Variants in TMEM108 observed in about 807,000 individuals in gnomAD.
TMEM108 encodes cancer/testis antigen 124.
TMEM108 carries 12 observed loss-of-function variants against 35.1 expected under a neutral mutation model. That is an observed-to-expected ratio of 0.34 (90% CI 0.22 to 0.55). The LOEUF (loss-of-function observed/expected upper bound fraction) is 0.55. Ranked by LOEUF, TMEM108 falls within the 20% of genes least tolerant of loss-of-function variation. The probability of loss-of-function intolerance (pLI) is 0.89; values close to 1 mark genes in which losing one functional copy is unlikely to be tolerated. For synonymous variants in TMEM108, 287 were observed against 308.6 expected (o/e 0.93, Z 0.73); for missense variants, 680 against 753.3 (o/e 0.90, Z 1.14).
chr3:133,167,071 A>G (rs1945050977), intron 2 of TMEM108, among the ~76,000 whole-genome samples: 2 of 152,224 alleles, frequency 1.3e-5, no homozygotes, highest in Non-Finnish European at 2.9e-5. Context: ...CTTGAGCTAG[A>G]CACAGAATGC....
At chr3:133,177,618 G>C (rs142745138) in intron 2 of TMEM108, among the ~76,000 whole-genome samples, 4,269 of 151,998 alleles carry the variant, frequency 0.028, 190 homozygotes, top group African/African-American at 0.093. Context: ...ATTCAACAAC[G>C]CTTCATGCTA....
At chr3:133,164,481 G>A (rs1945007478) in intron 2 of TMEM108, among the ~76,000 whole-genome samples, 2 of 152,190 alleles carry the variant, frequency 1.3e-5, no homozygotes, top group Admixed American at 1.3e-4. Flanking sequence ...TGGAATGGCA[G>A]GAGACAGTGC....
In TMEM108 at chr3:133,310,530, C is replaced by CTTT. The variant is rs59215786; in HGVS notation, c.41-69195_41-69193dup. 7.2e-3 allele frequency among the ~76,000 whole-genome samples: 161 copies of CTTT among 22,242 alleles called. 26 individuals are homozygous for CTTT. The highest frequency in any genetic ancestry group is 0.011 in the Non-Finnish European group (130 of 12,232). The allele number at this position is 22,242 out of a possible 152,430, so 14.6% of individuals were successfully genotyped here. A position where few individuals can be genotyped will look rare whatever the true frequency, so the allele number is the denominator to read the frequency against. ...TCAGAGACTAGGATTGCAACCCCTGCTTTTTTTTTTTTTTTTTTTTTTTTT... is the reference window on the plus strand; with the variant it reads ...TCAGAGACTAGGATTGCAACCCCTGCTTTTTTTTTTTTTTTTTTTTTTTTTTTT... On this transcript the variant is annotated intron_variant, in intron 3 of 5. Coordinates refer to ENST00000321871, the MANE Select transcript of TMEM108 (RefSeq NM_023943.4).
intron 3 of TMEM108, among the ~76,000 whole-genome samples, chr3:133,338,518 T>C (rs1347836630): frequency 6.6e-6 from 1 of 152,148 alleles, no homozygotes; most frequent in Non-Finnish European, 1.5e-5. Flanking sequence ...TTAAGGGATT[T>C]CATCAACATT....
intron 2 of TMEM108, among the ~76,000 whole-genome samples, chr3:133,089,701 G>C (rs1180564946): frequency 1.3e-5 from 2 of 152,194 alleles, no homozygotes; most frequent in Admixed American, 1.3e-4. Context: ...AGGCTGCATG[G>C]TTCAGAGGTG....
intron 2 of TMEM108, among the ~76,000 whole-genome samples, chr3:133,109,471 GA>G (rs35389489): frequency 0.098 from 14,596 of 148,862 alleles, 891 homozygotes; most frequent in Admixed American, 0.17. Context: ...TCCACAAAAA[GA>G]AAAAAAAAAT....
intron 2 of TMEM108, among the ~76,000 whole-genome samples, chr3:133,067,068 T>A (rs1327212974): frequency 6.6e-6 from 1 of 152,198 alleles, no homozygotes; most frequent in Non-Finnish European, 1.5e-5. Flanking sequence ...CTATCAATAT[T>A]CTTATTTGTG....
chr3:133,230,143 C>T (rs969005482), intron 3 of TMEM108, among the ~76,000 whole-genome samples: 1 of 152,200 alleles, frequency 6.6e-6, no homozygotes, highest in Admixed American at 6.5e-5. Flanking sequence ...TTGTCTTGTT[C>T]TTGCTAAGGT....
At chr3:133,053,591 A>G (rs989994432) in intron 2 of TMEM108, among the ~76,000 whole-genome samples, 3 of 152,238 alleles carry the variant, frequency 2.0e-5, no homozygotes, top group Non-Finnish European at 4.4e-5. Context: ...TGCACGAGAA[A>G]ATAAGGAAAA....
At chr3:133,206,514 C>A (rs1945756791) in intron 2 of TMEM108, among the ~76,000 whole-genome samples, 1 of 152,086 alleles carries the variant, frequency 6.6e-6, no homozygotes, top group Non-Finnish European at 1.5e-5. Flanking sequence ...GATGTTGATG[C>A]TATTCCTTTC....
Position 133,380,043 on chromosome 3 carries a change from G to T in TMEM108, c.332G>T (p.Ser111Ile), listed in dbSNP as rs984951285. The T allele has an allele frequency of 6.2e-7, 1 of 1,613,810 alleles. No homozygotes were observed. The highest frequency in any genetic ancestry group is 1.3e-5 in the African/African-American group (1 of 74,928). ...AATVTAPHSE[S>I]SLSTGPAPAA... is the part of the protein sequence containing the mutation. Reference sequence around the variant, plus strand: ...ACAGTAACCGCCCCCCATTCTGAAAGCTCCCTGTCCACAGGGCCCGCTCCA... The same window carrying T: ...ACAGTAACCGCCCCCCATTCTGAAATCTCCCTGTCCACAGGGCCCGCTCCA... Residue 111 changes from serine (S) to isoleucine (I), a missense_variant, in exon 4 of 6, where the codon AGC becomes ATC. Coordinates refer to ENST00000321871, the MANE Select transcript of TMEM108 (RefSeq NM_023943.4). This position sits in a 1 kb window ranked among gnomAD's most constrained non-coding sequence, Gnocchi z 5.3.
Position 133,286,815 on chromosome 3 carries a change from GA to G in TMEM108, c.40+57465del, listed in dbSNP as rs557399189. Among the ~76,000 whole-genome samples, 9 of 152,284 alleles carry G rather than the reference GA, an allele frequency of 5.9e-5. No individual in the cohort carries two copies. In the South Asian group the frequency reaches 1.9e-3, roughly 32 times the overall value. ...TGTATATCCACTGAACACTGACATA[GA>G]TCCTATCTCTAGATCCCCACTGCCT... On this transcript the variant is annotated intron_variant, in intron 3 of 5. Transcript: ENST00000321871.
intron 3 of TMEM108, among the ~76,000 whole-genome samples, chr3:133,323,387 C>A (rs752622137): frequency 2.0e-4 from 31 of 152,056 alleles, no homozygotes; most frequent in Non-Finnish European, 4.4e-4. Context: ...ACCAAAGTGA[C>A]CAAGCTGAGA....
chr3:133,081,403 T>C (rs981144016), intron 2 of TMEM108, among the ~76,000 whole-genome samples: 1 of 152,200 alleles, frequency 6.6e-6, no homozygotes, highest in Non-Finnish European at 1.5e-5. Flanking sequence ...AATCTCATCA[T>C]AGGGGCCTCA....
At chr3:133,298,130 C>CTAA (rs982775816) in intron 3 of TMEM108, among the ~76,000 whole-genome samples, 4 of 152,148 alleles carry the variant, frequency 2.6e-5, no homozygotes, top group African/African-American at 9.7e-5. Context: ...GCCCCACTGA[C>CTAA]TTTAGACTGT....
chr3:133,328,921 T>A (rs1014865083), intron 3 of TMEM108, among the ~76,000 whole-genome samples: 4 of 152,146 alleles, frequency 2.6e-5, no homozygotes, highest in African/African-American at 9.7e-5. Flanking sequence ...TATTCACTGC[T>A]CTCTTTTCAG....
chr3:133,102,674 T>C (rs1944103092), intron 2 of TMEM108, among the ~76,000 whole-genome samples: 1 of 152,214 alleles, frequency 6.6e-6, no homozygotes, highest in Non-Finnish European at 1.5e-5. Flanking sequence ...TAGCAAGTGG[T>C]ATAAGCTGAA....
intron 3 of TMEM108, among the ~76,000 whole-genome samples, chr3:133,268,396 T>C (rs1946727252): frequency 6.6e-6 from 1 of 152,168 alleles, no homozygotes. Flanking sequence ...CTCCCAGGCA[T>C]CAGGTTAGAC....
chr3:133,099,488 C>A (rs769024019), intron 2 of TMEM108, among the ~76,000 whole-genome samples: 41 of 151,996 alleles, frequency 2.7e-4, no homozygotes, highest in Admixed American at 7.9e-4. Flanking sequence ...AATTTCTTCT[C>A]AAAAAAATGG....
Sources: gnomAD v4.1 joint callset for allele counts (sites outside exome capture counted in the v4.1 genomes callset) on GRCh38, gnomAD v4.1.1 for gene constraint, Gnocchi (gnomAD v3.1) non-coding constraint, MANE v1.5 for transcripts, NCBI Gene and HGNC (gene_info 2026-07-23, HGNC 2026-07-21) for gene names.